The following CORO1C variants were observed in gnomAD, a reference collection of about 807,000 sequenced individuals.
CORO1C encodes the protein coronin 1C, also known as coronin-1C.
Under a neutral mutation model 51.2 loss-of-function variants are expected in CORO1C, and 14 were observed. The ratio of observed to expected loss-of-function variants is 0.27; its 90% confidence interval spans 0.18 to 0.43. The LOEUF (loss-of-function observed/expected upper bound fraction) is 0.43, where lower values mean the gene tolerates loss of function less well. CORO1C is among the 20% of genes least tolerant of loss of function. The probability of loss-of-function intolerance (pLI) is 1.00; values close to 1 mark genes in which losing one functional copy is unlikely to be tolerated. For missense variants in CORO1C, 417 were observed against 607.8 expected (o/e 0.69, Z 3.30); for synonymous variants, 181 against 210.5 (o/e 0.86, Z 1.21).
At chr12:108,705,315 C>T (rs1176465130) in intron 1 of CORO1C, among the ~76,000 whole-genome samples, 1 of 151,880 alleles carries the variant, frequency 6.6e-6, no homozygotes, top group Admixed American at 6.6e-5. Flanking sequence ...CCAGTCTCTA[C>T]TAAAAATACA....
intron 3 of CORO1C, among the ~76,000 whole-genome samples, chr12:108,667,791 C>T (rs2033544180): frequency 6.6e-6 from 1 of 152,166 alleles, no homozygotes; most frequent in African/African-American, 2.4e-5. Context: ...AAAAAAACAA[C>T]TTTAAGCACA....
rs576314997 is a variant in CORO1C, at chr12:108,676,130, C to A, written c.318+2142G>T. ...CTAGAGGTATACACCTGAGTGATTA[C>A]CACTACAAAGAAAGGCAAGGAAATG... On this transcript the variant is annotated intron_variant, in intron 3 of 10. Coordinates refer to ENST00000261401, the MANE Select transcript of CORO1C (RefSeq NM_014325.4). Among the ~76,000 whole-genome samples, 80 of 152,220 alleles carry A rather than the reference C, an allele frequency of 5.3e-4. No homozygotes were observed. The South Asian group carries it at 0.016, about 31-fold the overall frequency.
intron 2 of CORO1C, among the ~76,000 whole-genome samples, chr12:108,692,108 C>T (rs563377511): frequency 1.9e-4 from 29 of 152,130 alleles, no homozygotes; most frequent in South Asian, 8.3e-4. Flanking sequence ...GCTGGCAGCT[C>T]GTGACATAAT....
chr12:108,670,832 AAAC>A (rs2033687705), intron 3 of CORO1C, among the ~76,000 whole-genome samples: 1 of 152,070 alleles, frequency 6.6e-6, no homozygotes, highest in East Asian at 1.9e-4. Flanking sequence ...CAAAATAAGA[AAAC>A]AATATATAAA....
chr12:108,730,781 C>A (rs1419988893), intron 1 of CORO1C: 1 of 153,138 alleles, frequency 6.5e-6, no homozygotes, highest in East Asian at 1.9e-4. Context: ...TACTCCAGCT[C>A]CAGCTCTGCC....
chr12:108,683,124 A>G (rs2034179743), intron 2 of CORO1C, among the ~76,000 whole-genome samples: 1 of 152,226 alleles, frequency 6.6e-6, no homozygotes, highest in Admixed American at 6.5e-5. Flanking sequence ...AGAATGTAAA[A>G]TTATTAGAAA....
intron 4 of CORO1C, among the ~76,000 whole-genome samples, chr12:108,660,697 C>T (rs544092365): frequency 2.7e-4 from 41 of 152,242 alleles, no homozygotes; most frequent in Non-Finnish European, 4.7e-4. Context: ...TGCTGCTGCC[C>T]TGTATTGAGC....
At chr12:108,705,242 G>C (rs2034992160) in intron 1 of CORO1C, among the ~76,000 whole-genome samples, 1 of 152,052 alleles carries the variant, frequency 6.6e-6, no homozygotes, top group Admixed American at 6.6e-5. Flanking sequence ...ACTTTGGGAG[G>C]CCGAGGAAGG....
chr12:108,664,298 G>A (rs1214033156), intron 3 of CORO1C, among the ~76,000 whole-genome samples: 4 of 152,142 alleles, frequency 2.6e-5, no homozygotes, highest in African/African-American at 9.7e-5. Flanking sequence ...TTTAAAGAAG[G>A]AGACAAACAA....
chr12:108,680,459 G>C (rs1592894036), intron 2 of CORO1C, among the ~76,000 whole-genome samples: 1 of 152,168 alleles, frequency 6.6e-6, no homozygotes, highest in South Asian at 2.1e-4. Context: ...GGTGTCACAG[G>C]AAGGAGCCAC....
At chr12:108,695,266 T>A (rs1207155612) in intron 2 of CORO1C, among the ~76,000 whole-genome samples, 1 of 152,210 alleles carries the variant, frequency 6.6e-6, no homozygotes, top group Non-Finnish European at 1.5e-5. Context: ...GCCAGTGGGC[T>A]TTTATGACCT....
At chr12:108,678,147 G>A (rs1031345795) in intron 3 of CORO1C, 125 bp downstream of exon 3, 8 of 741,384 alleles carry the variant, frequency 1.1e-5, no homozygotes, top group Non-Finnish European at 1.6e-5. Flanking sequence ...CCAACAGACA[G>A]TCAAAACTGC....
intron 3 of CORO1C, among the ~76,000 whole-genome samples, chr12:108,669,988 A>T (rs1302432000): frequency 6.6e-6 from 1 of 152,228 alleles, no homozygotes; most frequent in East Asian, 1.9e-4. Context: ...AATTTACAAA[A>T]TGTGCACTCC....
At chr12:108,664,207 T>C (rs575991381) in intron 3 of CORO1C, among the ~76,000 whole-genome samples, 28 of 152,310 alleles carry the variant, frequency 1.8e-4, no homozygotes, top group African/African-American at 6.7e-4. Flanking sequence ...AACTAGCTCA[T>C]GAAAAATTTA....
chr12:108,692,427 CT>C (rs2034527906), intron 2 of CORO1C, among the ~76,000 whole-genome samples: 1 of 152,248 alleles, frequency 6.6e-6, no homozygotes, highest in Admixed American at 6.5e-5. Context: ...TGGAAATTGC[CT>C]GTCAGCAATG....
At chr12:108,689,294 C>T (rs928613461) in intron 2 of CORO1C, among the ~76,000 whole-genome samples, 2 of 152,198 alleles carry the variant, frequency 1.3e-5, no homozygotes. Flanking sequence ...ACGCTTTACC[C>T]AGCAGGCCTA....
At chr12:108,686,632 A>G (rs954229331) in intron 2 of CORO1C, among the ~76,000 whole-genome samples, 4 of 152,238 alleles carry the variant, frequency 2.6e-5, no homozygotes, top group East Asian at 1.9e-4. Context: ...TCCCAATCAC[A>G]TGCCATAGGA....
Position 108,718,970 on chromosome 12 carries a change from C to T in CORO1C, c.-6+12459G>A, listed in dbSNP as rs563274811. On this transcript the variant is annotated intron_variant, in intron 1 of 10. Coordinates refer to ENST00000261401, the MANE Select transcript of CORO1C (RefSeq NM_014325.4). Reference sequence around the variant, plus strand: ...GAAAATATCTCTAGGGAAGTGAAGACAAATAAACACGGCCCACTTTCAGAA... The same window carrying T: ...GAAAATATCTCTAGGGAAGTGAAGATAAATAAACACGGCCCACTTTCAGAA... Among the ~76,000 whole-genome samples, 6 of 152,208 alleles carry T rather than the reference C, an allele frequency of 3.9e-5. No individual in the cohort carries two copies. In the South Asian group the frequency reaches 1.2e-3, roughly 32 times the overall value.
At chr12:108,667,733 C>G (rs1247143321) in intron 3 of CORO1C, among the ~76,000 whole-genome samples, 1 of 152,064 alleles carries the variant, frequency 6.6e-6, no homozygotes, top group Non-Finnish European at 1.5e-5. Context: ...TCCAAGGGCT[C>G]CTACATGAAA....
Sources: allele counts gnomAD v4.1 joint callset (sites outside exome capture counted in the v4.1 genomes callset), GRCh38; gene constraint gnomAD v4.1.1; transcripts MANE v1.5; gene names NCBI Gene and HGNC (gene_info 2026-07-23, HGNC 2026-07-21).